The following GCNT2 variants were observed in gnomAD, a reference collection of about 807,000 sequenced individuals.
GCNT2 encodes the protein glucosaminyl (N-acetyl) transferase 2 (I blood group), also known as N-acetyllactosaminide beta-1,6-N-acetylglucosaminyl-transferase.
GCNT2 carries 34 observed loss-of-function variants against 34.2 expected under a neutral mutation model. The observed-to-expected ratio is 1.00, with a 90% CI of 0.76 to 1.32. The LOEUF (loss-of-function observed/expected upper bound fraction) is 1.32. GCNT2 is among the 40% of genes most tolerant of loss of function. GCNT2 has a pLI of 0.00. For missense variants in GCNT2, 584 were observed against 489.4 expected (o/e 1.19, Z -1.82); for synonymous variants, 212 against 188.0 (o/e 1.13, Z -1.04).
intron 3 of GCNT2, among the ~76,000 whole-genome samples, chr6:10,594,089 A>G (rs559785248): frequency 6.6e-6 from 1 of 152,320 alleles, no homozygotes; most frequent in South Asian, 2.1e-4. Context: ...ATGCCTCAGA[A>G]CCTTCTGCAG....
intron 3 of GCNT2, among the ~76,000 whole-genome samples, chr6:10,592,587 C>T (rs568859528): frequency 1.4e-4 from 21 of 152,158 alleles, no homozygotes; most frequent in Admixed American, 5.9e-4. Flanking sequence ...TCATTTGTGA[C>T]GTTTCCAGCC....
At chr6:10,567,571 A>G (rs1464247567) in intron 3 of GCNT2, among the ~76,000 whole-genome samples, 1 of 152,060 alleles carries the variant, frequency 6.6e-6, no homozygotes, top group Non-Finnish European at 1.5e-5. Flanking sequence ...TTACTCATTG[A>G]CTCTGCAACC....
intron 1 of GCNT2, among the ~76,000 whole-genome samples, chr6:10,526,813 G>A (rs1226066): frequency 0.082 from 12,430 of 152,160 alleles, 591 homozygotes; most frequent in Middle Eastern, 0.13. Flanking sequence ...ATATTATGTC[G>A]TCTTTGTGAT....
chr6:10,560,278 C>T (rs920386302), intron 3 of GCNT2, among the ~76,000 whole-genome samples: 2 of 145,278 alleles, frequency 1.4e-5, no homozygotes, highest in African/African-American at 5.2e-5. Context: ...TTAGTAGAGA[C>T]GGGGTTTCAC....
chr6:10,542,294 A>C (rs581151), intron 3 of GCNT2, among the ~76,000 whole-genome samples: 23,146 of 152,176 alleles, frequency 0.15, 2,312 homozygotes, highest in African/African-American at 0.29. Context: ...AAGTTCTTAC[A>C]CTGCTACGCA....
At chr6:10,556,545 C>A in intron 3 of GCNT2, 1 of 1,614,140 alleles carries the variant, frequency 6.2e-7, no homozygotes, top group African/African-American at 1.3e-5. Flanking sequence ...ATCTCAGACC[C>A]TTTGAGGCTG....
intron 1 of GCNT2, among the ~76,000 whole-genome samples, chr6:10,524,391 A>AT (rs1230939572): frequency 6.6e-6 from 1 of 151,846 alleles, no homozygotes. Context: ...AGCTGGAATT[A>AT]ACAGGCATGC....
At chr6:10,524,599 AAC>A (rs1761099983) in intron 1 of GCNT2, among the ~76,000 whole-genome samples, 1 of 152,188 alleles carries the variant, frequency 6.6e-6, no homozygotes, top group Non-Finnish European at 1.5e-5. Context: ...GTCAAGAGAA[AAC>A]ACATAAATAA....
chr6:10,548,112 AAATCTGGGAAGCT>A (rs1762343410), intron 3 of GCNT2, among the ~76,000 whole-genome samples: 2 of 152,188 alleles, frequency 1.3e-5, no homozygotes, highest in Non-Finnish European at 2.9e-5. Context: ...TTAAAGATCA[AAATCTGGGAAGCT>A]GAAACAGGAG....
chr6:10,532,037 G>T, intron 3 of GCNT2, among the ~76,000 whole-genome samples: 1 of 152,162 alleles, frequency 6.6e-6, no homozygotes, highest in East Asian at 1.9e-4. Flanking sequence ...TCTAGGGCCA[G>T]CGGGTGGGAG....
At chr6:10,545,433 C>T (rs1762228262) in intron 3 of GCNT2, among the ~76,000 whole-genome samples, 1 of 151,996 alleles carries the variant, frequency 6.6e-6, no homozygotes, top group Admixed American at 6.6e-5. Flanking sequence ...CTTTTGTGTT[C>T]CTGAGCTTGA....
chr6:10,535,088 G>A (rs988526579), intron 3 of GCNT2, among the ~76,000 whole-genome samples: 1 of 152,158 alleles, frequency 6.6e-6, no homozygotes, highest in African/African-American at 2.4e-5. Flanking sequence ...GGAGGCTGAG[G>A]CAGGAGAATC....
chr6:10,611,972 T>C (rs529805683), intron 3 of GCNT2, among the ~76,000 whole-genome samples: 1 of 152,130 alleles, frequency 6.6e-6, no homozygotes, highest in Admixed American at 6.5e-5. Flanking sequence ...CTGGTGTTTT[T>C]GTGGGGTTTT....
chr6:10,612,301 A>G (rs1765593214), intron 3 of GCNT2, among the ~76,000 whole-genome samples: 1 of 151,940 alleles, frequency 6.6e-6, no homozygotes, highest in Non-Finnish European at 1.5e-5. Context: ...TTTTTGTTTT[A>G]ACTTTAGATC....
intron 3 of GCNT2, among the ~76,000 whole-genome samples, chr6:10,611,040 A>C (rs1017625584): frequency 1.3e-5 from 2 of 152,168 alleles, no homozygotes; most frequent in Non-Finnish European, 2.9e-5. Context: ...AAAACTAGAA[A>C]CATCCACATC....
intron 3 of GCNT2, among the ~76,000 whole-genome samples, chr6:10,553,060 G>A (rs588051): frequency 0.02 from 3,067 of 152,260 alleles, 105 homozygotes; most frequent in African/African-American, 0.068. Context: ...TAGTGTTGCT[G>A]CTCAAACCTG....
rs574167367 is a variant in GCNT2, at chr6:10,585,741, G to A, written c.926-35610G>A. 1.2e-5 allele frequency: 17 copies of A among 1,391,990 alleles called. No individual in the cohort carries two copies. The Admixed American group carries it at 4.2e-4, about 34-fold the overall frequency. The allele number at this position is 1,391,990 out of a possible 1,614,324, so 86.2% of individuals were successfully genotyped here. A position where few individuals can be genotyped will look rare whatever the true frequency, so the allele number is the denominator to read the frequency against. On this transcript the variant is annotated intron_variant, in intron 3 of 4. Transcript: ENST00000495262. Reference sequence around the variant, plus strand: ...TAGCTGAGCCTTTGCAAACAGCAGGGATTCAACCCTGGGGAACTGCAGACC... The same window carrying A: ...TAGCTGAGCCTTTGCAAACAGCAGGAATTCAACCCTGGGGAACTGCAGACC...
chr6:10,577,544 T>C (rs1323328096), intron 3 of GCNT2, among the ~76,000 whole-genome samples: 1 of 152,176 alleles, frequency 6.6e-6, no homozygotes, highest in Non-Finnish European at 1.5e-5. Flanking sequence ...TTTTTTATTT[T>C]ATTTTATTTT....
intron 3 of GCNT2, chr6:10,586,801 G>T: frequency 6.2e-7 from 1 of 1,613,912 alleles, no homozygotes; most frequent in South Asian, 1.1e-5. Context: ...GCGCTTACCA[G>T]AGACTTTGTC....
Sources: allele counts gnomAD v4.1 joint callset (sites outside exome capture counted in the v4.1 genomes callset), GRCh38; gene constraint gnomAD v4.1.1; transcripts MANE v1.5; gene names NCBI Gene and HGNC (gene_info 2026-07-23, HGNC 2026-07-21).